The following SLIT1 variants were observed in gnomAD, a reference collection of about 807,000 sequenced individuals.
SLIT1 encodes the protein slit guidance ligand 1.
A neutral mutation model predicts 186.1 loss-of-function variants in SLIT1; 66 were observed. The ratio of observed to expected loss-of-function variants is 0.35; its 90% CI spans 0.29 to 0.44. The LOEUF is 0.44. Ranked by LOEUF, SLIT1 falls within the 20% of genes least tolerant of loss-of-function variation. The pLI is 1.00. For missense variants in SLIT1, 1,638 were observed against 2,037.4 expected, an observed-to-expected ratio of 0.80 and a Z score of 3.77; for synonymous variants, 761 against 833.8, an observed-to-expected ratio of 0.91 and a Z score of 1.50.
At chr10:97,082,048 C>G (rs959237313) in intron 4 of SLIT1, among the ~76,000 whole-genome samples, 3 of 152,260 alleles carry the variant, frequency 2.0e-5, no homozygotes, top group Non-Finnish European at 4.4e-5. Flanking sequence ...CCCTTAGACT[C>G]CTAGGAGAGG....
intron 28 of SLIT1, among the ~76,000 whole-genome samples, chr10:97,017,724 G>A (rs1589364195): frequency 6.6e-6 from 1 of 152,342 alleles, no homozygotes; most frequent in East Asian, 1.9e-4. Context: ...AGCCCCAGCT[G>A]TGTCTCAGGG....
At chr10:97,157,649 T>G in intron 4 of SLIT1, 169 bp downstream of exon 4, 1 of 659,148 alleles carries the variant, frequency 1.5e-6, no homozygotes, top group Non-Finnish European at 2.7e-6. Flanking sequence ...CACAGCACCT[T>G]CCTACAGAAA....
chr10:97,066,372 C>T (rs1337251163), intron 4 of SLIT1, among the ~76,000 whole-genome samples: 1 of 152,224 alleles, frequency 6.6e-6, no homozygotes, highest in African/African-American at 2.4e-5. Context: ...GAAGGAGAAG[C>T]CTGGGGCAGC....
intron 4 of SLIT1, among the ~76,000 whole-genome samples, chr10:97,089,635 G>A (rs1849208634): frequency 6.6e-6 from 1 of 152,160 alleles, no homozygotes; most frequent in Admixed American, 6.5e-5. Context: ...TCAGATCCCT[G>A]TGAGGCGGTG....
At chr10:97,026,464 C>CTAAATAAA (rs10624448) in intron 25 of SLIT1, among the ~76,000 whole-genome samples, 3,685 of 149,530 alleles carry the variant, frequency 0.025, 62 homozygotes, top group East Asian at 0.062. Flanking sequence ...AACTCCGTCT[C>CTAAATAAA]TAAATAAATA....
intron 4 of SLIT1, among the ~76,000 whole-genome samples, chr10:97,135,723 G>A (rs1849696413): frequency 6.6e-6 from 1 of 152,208 alleles, no homozygotes; most frequent in Non-Finnish European, 1.5e-5. Context: ...TCAGTCAAGT[G>A]GAGGAGGGGC....
At position 97,176,324 on chromosome 10, in the gene SLIT1, G is replaced by A. The variant is rs1047591242; in HGVS notation, c.197+9154C>T. On this transcript the variant is annotated intron_variant, in intron 1 of 36. Coordinates refer to ENST00000266058, the MANE Select transcript of SLIT1 (RefSeq NM_003061.3). ...GGGAGGAGCTCTAAGCCACGACCAC[G>A]ACCACAGCCACCATCAAAACTCCCT... is the stretch of plus-strand genomic sequence containing the variant. Among the ~76,000 whole-genome samples, 4 of 152,054 alleles carry A rather than the reference G, an allele frequency of 2.6e-5. No individual in the cohort carries two copies. In the East Asian group the frequency reaches 5.8e-4, roughly 22 times the overall value.
At chr10:97,154,511 T>C (rs1849921983) in intron 4 of SLIT1, 1 of 152,272 alleles carries the variant, frequency 6.6e-6, no homozygotes, top group Non-Finnish European at 1.5e-5. Context: ...TGTTTCCTGC[T>C]GAGAGTAAAG....
At chr10:97,166,623 G>GAAAGAAA (rs3979552) in intron 1 of SLIT1, among the ~76,000 whole-genome samples, 1 of 42,678 alleles carries the variant, frequency 2.3e-5, no homozygotes, top group Non-Finnish European at 4.6e-5. Context: ...AAGAAAGAAA[G>GAAAGAAA]AGAAAAGAAA....
At chr10:97,112,113 TC>T (rs1329572229) in intron 4 of SLIT1, among the ~76,000 whole-genome samples, 7 of 152,188 alleles carry the variant, frequency 4.6e-5, no homozygotes, top group Non-Finnish European at 1.0e-4. Flanking sequence ...CACAGGCTGT[TC>T]CCCCTGTCCT....
intron 4 of SLIT1, among the ~76,000 whole-genome samples, chr10:97,098,775 A>G (rs1400186641): frequency 1.3e-5 from 2 of 152,212 alleles, no homozygotes; most frequent in African/African-American, 2.4e-5. Context: ...ACGAGGCCAC[A>G]ATAGTCCTTA....
chr10:97,092,581 C>G (rs1849243996), intron 4 of SLIT1, among the ~76,000 whole-genome samples: 1 of 152,202 alleles, frequency 6.6e-6, no homozygotes, highest in South Asian at 2.1e-4. Context: ...GAGGGTCTCA[C>G]CCAGCACAAT....
chr10:97,164,285 G>T (rs1164642170), intron 2 of SLIT1, among the ~76,000 whole-genome samples: 1 of 7,638 alleles, frequency 1.3e-4, no homozygotes, highest in Non-Finnish European at 4.7e-4. Context: ...GGCAGGGCAG[G>T]GGGGGGAACC....
In SLIT1 at chr10:97,031,654, T is replaced by C. The variant is rs1184142567; in HGVS notation, c.2462A>G (p.Gln821Arg). The C allele has an allele frequency of 6.4e-7, 1 of 1,551,868 alleles. No individual in the cohort carries two copies. The highest frequency in any genetic ancestry group is 8.7e-7 in the Non-Finnish European group (1 of 1,147,060). Residue 821 changes from glutamine (Q) to arginine (R), a missense_variant, in exon 24 of 37, where the codon CAG becomes CGG. By Grantham distance (43) the Gln-to-Arg change is conservative. Around this residue, in one of 3 missense-constraint regions of SLIT1, gnomAD observed 1,245 missense variants for 1,535.3 expected, o/e 0.81. Transcript: ENST00000266058. ...CTGGAAGGCCAAAGGCGGGATGCAC[T>C]GCAGGGCATTGTAGCTGAGGATCCT... ...TTLILSYNAL[Q>R]CIPPLAFQGL...
Position 97,018,580 on chromosome 10 carries a change from ACT to A in SLIT1, c.2969+4_2969+5del. 1 of 1,556,196 alleles carries A rather than the reference ACT, an allele frequency of 6.4e-7. No individual in the cohort carries two copies. On this transcript the variant is annotated splice_donor_5th_base_variant and intron_variant, in intron 28 of 36. Transcript: ENST00000266058. ...CACCAGGCTCCTGCCCCTCCAGGTA[ACT>A]CACGTGAACGGGGCATCCTCGCCCT...
At chr10:97,110,342 C>T (rs1849453548) in intron 4 of SLIT1, among the ~76,000 whole-genome samples, 1 of 152,226 alleles carries the variant, frequency 6.6e-6, no homozygotes, top group South Asian at 2.1e-4. Flanking sequence ...ACCGAAGACG[C>T]TCTCCCAACT....
chr10:97,007,277 G>T (rs912240743), intron 31 of SLIT1, among the ~76,000 whole-genome samples: 1 of 152,070 alleles, frequency 6.6e-6, no homozygotes, highest in Non-Finnish European at 1.5e-5. Flanking sequence ...TAGAAAATAT[G>T]AATAGACCTA....
At chr10:97,096,529 A>G (rs1849291904) in intron 4 of SLIT1, among the ~76,000 whole-genome samples, 1 of 152,084 alleles carries the variant, frequency 6.6e-6, no homozygotes, top group Non-Finnish European at 1.5e-5. Context: ...CCTCATGATT[A>G]TCAGCTCGAA....
rs1425331758 is a variant in SLIT1, at chr10:97,012,128, ACG to A, written c.3204-1000_3204-999del. Among the ~76,000 whole-genome samples, 26 of 132,976 alleles carry A rather than the reference ACG, an allele frequency of 2.0e-4. 1 individual carries two copies. Among genetic ancestry groups the A allele is most frequent in the Non-Finnish European group, 2.8e-4 (17 of 61,254 alleles). 87.2% of individuals were successfully genotyped at this position (132,976 alleles called of 152,430 possible). On this transcript the variant is annotated intron_variant, in intron 30 of 36. Transcript: ENST00000266058. ...CACACACACACACACACACACACAC[ACG>A]CACACATTCGAAACCAGATTCATAC...
Sources: gnomAD v4.1 joint callset for allele counts (sites outside exome capture counted in the v4.1 genomes callset) on GRCh38, gnomAD v4.1.1 for gene constraint, gnomAD v4.1.1 regional missense constraint, MANE v1.5 for transcripts, NCBI Gene and HGNC (gene_info 2026-07-23, HGNC 2026-07-21) for gene names.